Variants in RNPEP observed in about 807,000 individuals in gnomAD.
RNPEP encodes arginyl aminopeptidase.
A neutral mutation model predicts 70.1 loss-of-function variants in RNPEP; 57 were observed. The observed-to-expected ratio is 0.81, with a 90% CI of 0.66 to 1.01. The LOEUF (loss-of-function observed/expected upper bound fraction) is 1.01, where lower values mean the gene tolerates loss of function less well. Among genes scored for constraint, RNPEP ranks in the 50% least tolerant of loss-of-function variants. The pLI is 0.00. For missense variants in RNPEP, 787 were observed against 852.4 expected (o/e 0.92, Z 0.96); for synonymous variants, 335 against 357.4 (o/e 0.94, Z 0.71).
intron 1 of RNPEP, among the ~76,000 whole-genome samples, chr1:201,985,971 C>T (rs1279158621): frequency 6.6e-6 from 1 of 152,172 alleles, no homozygotes; most frequent in East Asian, 1.9e-4. Flanking sequence ...TCATCCAGGC[C>T]GTAGTGCAGT....
At position 201,988,925 on chromosome 1, in the gene RNPEP, C is replaced by A; in HGVS notation, c.469C>A (p.Gln157Lys). Residue 157 changes from glutamine to lysine, a missense_variant, in exon 2 of 11, where the codon CAG becomes AAG. Transcript: ENST00000295640. The stretch of plus-strand genomic sequence containing the variant: ...TTAGGTTTGCTGGTTGGCTCCCGAG[C>A]AGACAGCAGGAAAGAAGAAGCCCTT... ...GPGVCWLAPE[Q>K]TAGKKKPFVY... 6.2e-7 allele frequency: 1 copy of A among 1,612,086 alleles called. No individual in the cohort carries two copies. Among genetic ancestry groups the A allele is most frequent in the South Asian group, 1.1e-5 (1 of 90,746 alleles).
In RNPEP at chr1:202,003,235, A is replaced by T; in HGVS notation, c.1427-2A>T. 3 of 1,606,578 alleles carry T rather than the reference A, an allele frequency of 1.9e-6. No individual in the cohort carries two copies. The highest frequency in any genetic ancestry group is 1.7e-6 in the Non-Finnish European group (2 of 1,174,754). On this transcript the variant is annotated splice_acceptor_variant, in intron 8 of 10. Transcript: ENST00000295640. LOFTEE classifies it high-confidence loss of function. ...GATAGTGTCTTCTCTCCTCCCAAACAGGTTTTGAGTTTGATCGATGGCTGA... is the reference window on the plus strand; with the variant it reads ...GATAGTGTCTTCTCTCCTCCCAAACTGGTTTTGAGTTTGATCGATGGCTGA...
At chr1:202,003,004 A>G (rs1683892790) in intron 8 of RNPEP, 1 of 497,542 alleles carries the variant, frequency 2.0e-6, no homozygotes, top group Non-Finnish European at 3.6e-6. Context: ...CTGACAACAC[A>G]GTGCTAATTT....
chr1:202,002,757 T>G (rs1558268249), intron 8 of RNPEP, among the ~76,000 whole-genome samples: 1 of 152,224 alleles, frequency 6.6e-6, no homozygotes, highest in Non-Finnish European at 1.5e-5. Flanking sequence ...TTTTAATGTT[T>G]ATTTGCTCAT....
chr1:201,991,165 A>G (rs1345079341), intron 3 of RNPEP, among the ~76,000 whole-genome samples: 1 of 152,052 alleles, frequency 6.6e-6, no homozygotes, highest in Non-Finnish European at 1.5e-5. Context: ...CCCAGGCTGG[A>G]GTGCAGTGGC....
intron 4 of RNPEP, 44 bp downstream of exon 4, chr1:201,996,307 C>A: frequency 7.6e-7 from 1 of 1,311,694 alleles, no homozygotes; most frequent in South Asian, 1.2e-5. Flanking sequence ...TAAACTGAGT[C>A]ACTGGCTTCC....
intron 1 of RNPEP, chr1:201,983,832 C>A: frequency 9.6e-7 from 1 of 1,042,864 alleles, no homozygotes; most frequent in Non-Finnish European, 1.2e-6. Flanking sequence ...CTGTAAGAGT[C>A]AGAAAATCCT....
At chr1:201,994,493 T>C (rs1683468034) in intron 3 of RNPEP, among the ~76,000 whole-genome samples, 1 of 152,106 alleles carries the variant, frequency 6.6e-6, no homozygotes, top group Non-Finnish European at 1.5e-5. Flanking sequence ...CGGTGCTTCC[T>C]CACATGCATA....
chr1:202,003,011 AT>A (rs1242207140), intron 8 of RNPEP: 1 of 518,640 alleles, frequency 1.9e-6, no homozygotes, highest in African/African-American at 1.9e-5. Context: ...CACAGTGCTA[AT>A]TTGGAGCGAA....
In RNPEP at chr1:201,988,920, C is replaced by T; in HGVS notation, c.464C>T (p.Pro155Leu). 2 of 1,612,002 alleles carry T rather than the reference C, an allele frequency of 1.2e-6. No homozygotes were observed. The highest frequency in any genetic ancestry group is 2.2e-5 in the South Asian group (2 of 90,746). Residue 155 changes from proline to leucine, a missense_variant, in exon 2 of 11, where the codon CCC (proline) becomes CTC (leucine). Pro to Leu is a moderately conservative substitution (Grantham distance 98). Transcript: ENST00000295640. ...TTCGCTTAGGTTTGCTGGTTGGCTC[C>T]CGAGCAGACAGCAGGAAAGAAGAAG... ...GEGPGVCWLA[P>L]EQTAGKKKPF...
Position 201,997,566 on chromosome 1 carries a change from AC to A in RNPEP, c.1090+16del, listed in dbSNP as rs1424045941. On this transcript the variant is annotated intron_variant, in intron 5 of 10. Transcript: ENST00000295640. ...CACCATCCTCTTTGGTAAAGTGCCCACCCCTCTCCTAAGGAGTCTGCCTCCC... is the reference window on the plus strand; with the variant it reads ...CACCATCCTCTTTGGTAAAGTGCCCACCCTCTCCTAAGGAGTCTGCCTCCC... 24 of 1,599,978 alleles carry A rather than the reference AC, an allele frequency of 1.5e-5. No homozygotes were observed. Among genetic ancestry groups the A allele is most frequent in the Non-Finnish European group, 2.0e-5 (23 of 1,167,746 alleles).
intron 8 of RNPEP, among the ~76,000 whole-genome samples, chr1:202,002,855 C>T (rs779172762): frequency 8.5e-5 from 13 of 152,272 alleles, no homozygotes; most frequent in Middle Eastern, 3.4e-3. Flanking sequence ...GTAACATGCC[C>T]GTGGCCTCCC....
At chr1:201,992,331 C>G (rs973063018) in intron 3 of RNPEP, among the ~76,000 whole-genome samples, 31 of 152,304 alleles carry the variant, frequency 2.0e-4, no homozygotes, top group African/African-American at 7.2e-4. Flanking sequence ...CAACACCAAC[C>G]TTCAGGGTTT....
At chr1:202,004,620 C>T in intron 10 of RNPEP, 124 bp downstream of exon 10, 1 of 1,149,500 alleles carries the variant, frequency 8.7e-7, no homozygotes. Context: ...GGGCAAATGA[C>T]CTGAGGACCC....
intron 10 of RNPEP, among the ~76,000 whole-genome samples, chr1:202,005,329 G>T (rs186940663): frequency 2.6e-5 from 4 of 152,216 alleles, no homozygotes; most frequent in African/African-American, 9.6e-5. Flanking sequence ...ACGTCCCCAT[G>T]TTAGTATGGA....
At position 201,982,719 on chromosome 1, in the gene RNPEP, A is replaced by G. The variant is rs1682978993; in HGVS notation, c.53A>G (p.His18Arg). ...AGCGGCGCGGCCCGGCGGCCGCTGCACTCCGCGCAGGCTGTGGACGTGGCC... is the reference window on the plus strand; with the variant it reads ...AGCGGCGCGGCCCGGCGGCCGCTGCGCTCCGCGCAGGCTGTGGACGTGGCC... ...PGSGAARRPL[H>R]SAQAVDVASA... is the part of the protein sequence containing the mutation. The change falls in exon 1 of 11, where the codon CAC becomes CGC. Residue 18 changes from histidine (H) to arginine (R), a missense_variant. Coordinates refer to ENST00000295640, the MANE Select transcript of RNPEP (RefSeq NM_020216.4). 3 of 1,405,010 alleles carry G rather than the reference A, an allele frequency of 2.1e-6. No individual in the cohort carries two copies. Among genetic ancestry groups the G allele is most frequent in the South Asian group, 1.5e-5 (1 of 64,590 alleles). The allele number at this position is 1,405,010 out of a possible 1,614,324, so 87.0% of individuals were successfully genotyped here. A position where few individuals can be genotyped will look rare whatever the true frequency, so the allele number is the denominator to read the frequency against.
At position 201,988,902 on chromosome 1, in the gene RNPEP, A is replaced by C. The variant is rs1683225718; in HGVS notation, c.448-2A>C. ...TTCTGAAATGTTCTTCTTTTCGCTT[A>C]GGTTTGCTGGTTGGCTCCCGAGCAG... On this transcript the variant is annotated splice_acceptor_variant, in intron 1 of 10. Transcript: ENST00000295640. LOFTEE classifies it high-confidence loss of function. 1 of 1,607,620 alleles carries C rather than the reference A, an allele frequency of 6.2e-7. No homozygotes were observed.
chr1:201,983,669 T>C, intron 1 of RNPEP: 1 of 1,168,090 alleles, frequency 8.6e-7, no homozygotes, highest in Non-Finnish European at 1.1e-6. Context: ...CTGGATTTGA[T>C]TAACGAAAGA....
intron 8 of RNPEP, among the ~76,000 whole-genome samples, chr1:202,002,165 C>CTTTTTT (rs112152568): frequency 1.4e-5 from 2 of 138,098 alleles, no homozygotes; most frequent in Non-Finnish European, 3.1e-5. Context: ...CTTTTCTTTT[C>CTTTTTT]TTTTTTTTTT....
Sources: allele counts gnomAD v4.1 joint callset (sites outside exome capture counted in the v4.1 genomes callset), GRCh38; gene constraint gnomAD v4.1.1; transcripts MANE v1.5; gene names NCBI Gene and HGNC (gene_info 2026-07-23, HGNC 2026-07-21).